Variants in DOCK6 observed in about 807,000 individuals in gnomAD.
DOCK6 encodes dedicator of cytokinesis 6, also known as dedicator of cytokinesis protein 6.
In DOCK6, 167 loss-of-function variants were observed where a neutral mutation model predicts 230.3. That is an observed-to-expected ratio of 0.73 (90% confidence interval 0.64 to 0.82). The LOEUF (loss-of-function observed/expected upper bound fraction) is 0.82. Among genes scored for constraint, DOCK6 ranks in the 40% least tolerant of loss-of-function variants. DOCK6 has a pLI of 0.00. For synonymous variants in DOCK6, 1,148 were observed against 1,185.0 expected (o/e 0.97, Z 0.64); for missense variants, 2,598 against 2,825.8 (o/e 0.92, Z 1.83).
At chr19:11,247,943 T>C (rs2080060310) in intron 7 of DOCK6, 123 bp downstream of exon 7, 1 of 784,222 alleles carries the variant, frequency 1.3e-6, no homozygotes, top group Non-Finnish European at 2.1e-6. Flanking sequence ...AGCCCATACA[T>C]AGGTGGCCAC....
rs2079501407 is a variant in DOCK6, at chr19:11,217,055, C to T, written c.3753G>A (p.Arg1251=). ...AGCALSAESS[R]TLLACVLWVL... The stretch of plus-strand genomic sequence containing the variant: ...CCCACAGCACACACGCCAGCAAGGT[C>T]CGGCTTGACTCAGCAGAGAGGGCAC... The change falls in exon 30 of 48, where the codon CGG becomes CGA. Residue 1251 remains arginine (R), a synonymous_variant. Transcript: ENST00000294618. 1 of 1,613,420 alleles carries T rather than the reference C, an allele frequency of 6.2e-7. No individual in the cohort carries two copies. Among genetic ancestry groups the T allele is most frequent in the Non-Finnish European group, 8.5e-7 (1 of 1,179,858 alleles).
chr19:11,223,426 A>G (rs1416188351), intron 24 of DOCK6, among the ~76,000 whole-genome samples: 4 of 152,092 alleles, frequency 2.6e-5, no homozygotes, highest in Non-Finnish European at 2.9e-5. Flanking sequence ...ATTCTGGCCA[A>G]TGGGATTTGA....
chr19:11,207,233 A>G (rs2079277648), intron 39 of DOCK6, among the ~76,000 whole-genome samples: 1 of 152,142 alleles, frequency 6.6e-6, no homozygotes, highest in Non-Finnish European at 1.5e-5. Context: ...TCACTCTGTC[A>G]CATAGGTTGG....
rs186878081 is a variant in DOCK6 at position 11,235,091 on chromosome 19, C to T, written c.2554+507G>A. Among the ~76,000 whole-genome samples, 45 of 152,002 alleles carry T rather than the reference C, an allele frequency of 3.0e-4. 1 individual carries two copies. The South Asian group carries it at 4.2e-3, about 14-fold the overall frequency. ...CTGAGTAGCTGGGGCTACAGGCGTG[C>T]GCCACCACACCTGGCTAATTTTTGT... is the stretch of plus-strand genomic sequence containing the variant. On this transcript the variant is annotated intron_variant, in intron 21 of 47. Transcript: ENST00000294618.
At chr19:11,217,975 C>T (rs1448617693) in intron 28 of DOCK6, among the ~76,000 whole-genome samples, 11 of 151,830 alleles carry the variant, frequency 7.2e-5, no homozygotes, top group South Asian at 6.3e-4. Context: ...CCTCAGCTTC[C>T]GGAGTAGCTG....
intron 22 of DOCK6, among the ~76,000 whole-genome samples, chr19:11,230,985 T>G (rs1195608729): frequency 2.6e-5 from 4 of 152,120 alleles, no homozygotes; most frequent in Non-Finnish European, 5.9e-5. Flanking sequence ...AGCCATACCC[T>G]GGCAACTCAC....
chr19:11,225,562 C>G (rs1254270226), intron 24 of DOCK6, among the ~76,000 whole-genome samples: 1 of 152,004 alleles, frequency 6.6e-6, no homozygotes, highest in Admixed American at 6.6e-5. Context: ...TATGGTAGCA[C>G]GCACCTGTAG....
In DOCK6 at chr19:11,237,349, C is replaced by A. The variant is rs2079864739; in HGVS notation, c.2073+107G>T. On this transcript the variant is annotated intron_variant, in intron 18 of 47. Coordinates refer to ENST00000294618, the MANE Select transcript of DOCK6 (RefSeq NM_020812.4). ...GAGCTACACGGGGGCCCTGGAGGCA[C>A]CAGTAGAGGATAACAAGCCTCCCAG... The A allele has an allele frequency of 3.2e-6, 4 of 1,248,854 alleles. No homozygotes were observed. In the South Asian group the frequency reaches 4.9e-5, roughly 15 times the overall value. 77.4% of individuals were successfully genotyped at this position (1,248,854 alleles called of 1,614,324 possible).
chr19:11,251,472 C>A, intron 5 of DOCK6: 1 of 181,946 alleles, frequency 5.5e-6, no homozygotes, highest in Non-Finnish European at 1.2e-5. Context: ...GACCTTCCTG[C>A]ACTGGATCAA....
intron 22 of DOCK6, 135 bp from the exon 23 acceptor site, chr19:11,229,170 A>G: frequency 2.5e-6 from 3 of 1,207,892 alleles, no homozygotes; most frequent in Admixed American, 2.4e-5. Context: ...GGAGGGGGAC[A>G]AGAGGAGTGG....
chr19:11,251,037 C>G lies in DOCK6; in HGVS notation c.557G>C (p.Ser186Thr), dbSNP rs2080110039. 2 of 1,613,492 alleles carry G rather than the reference C, an allele frequency of 1.2e-6. No homozygotes were observed. The highest frequency in any genetic ancestry group is 1.7e-6 in the Non-Finnish European group (2 of 1,179,760). Residue 186 changes from serine (S) to threonine (T), a missense_variant, in exon 6 of 48, where the codon AGT (serine) becomes ACT (threonine). Coordinates refer to ENST00000294618, the MANE Select transcript of DOCK6 (RefSeq NM_020812.4). The part of the protein sequence containing the change: ...SGSPEDTPRS[S>T]GASSIFDLRN... ...CAGGTCGAAGATGCTAGAGGCACCACTGCTTCGAGGGGTGTCTTCCGGGGA... is the reference window on the plus strand; with the variant it reads ...CAGGTCGAAGATGCTAGAGGCACCAGTGCTTCGAGGGGTGTCTTCCGGGGA...
intron 22 of DOCK6, among the ~76,000 whole-genome samples, chr19:11,230,043 CAA>C (rs74180012): frequency 5.0e-4 from 23 of 46,444 alleles, no homozygotes; most frequent in Admixed American, 2.0e-3. Flanking sequence ...GACTCCATCT[CAA>C]AAAAAAAAAA....
intron 1 of DOCK6, among the ~76,000 whole-genome samples, chr19:11,254,809 A>G (rs1452913491): frequency 6.6e-6 from 1 of 152,130 alleles, no homozygotes; most frequent in East Asian, 1.9e-4. Flanking sequence ...CCTCTGGCTG[A>G]GCTCAGAAGT....
chr19:11,258,787 G>C (rs2080238205), intron 1 of DOCK6, among the ~76,000 whole-genome samples: 1 of 149,100 alleles, frequency 6.7e-6, no homozygotes, highest in African/African-American at 2.5e-5. Flanking sequence ...TTGAGACGGA[G>C]TCTCTGTCAC....
chr19:11,228,869 T>C lies in DOCK6; in HGVS notation c.2814+71A>G, dbSNP rs910215685. ...GAGCCACTATGCCTGGCCAGGGGGC[T>C]TCTCTCTTTAAAAAAGGAAGGGGCT... On this transcript the variant is annotated intron_variant, in intron 23 of 47. Transcript: ENST00000294618. The C allele has an allele frequency of 5.5e-5, 82 of 1,489,812 alleles. No homozygotes were observed. In the African/African-American group the frequency reaches 1.0e-3, roughly 18 times the overall value. The allele number at this position is 1,489,812 out of a possible 1,614,324, so 92.3% of individuals were successfully genotyped here. A position where few individuals can be genotyped will look rare whatever the true frequency, so the allele number is the denominator to read the frequency against.
At chr19:11,209,496 T>C (rs1410966235) in intron 37 of DOCK6, among the ~76,000 whole-genome samples, 21 of 123,794 alleles carry the variant, frequency 1.7e-4, no homozygotes, top group South Asian at 5.7e-4. Context: ...GTCCCTTCAC[T>C]TGTCTATCCC....
At chr19:11,213,408 G>A (rs1316424498) in intron 34 of DOCK6, 80 bp from the exon 35 acceptor site, 2 of 1,528,136 alleles carry the variant, frequency 1.3e-6, no homozygotes, top group Non-Finnish European at 1.8e-6. Flanking sequence ...AATGAGGACT[G>A]CTTGGGCAGG....
chr19:11,209,006 C>A lies in DOCK6; in HGVS notation c.4849G>T (p.Ala1617Ser). 6.2e-7 allele frequency: 1 copy of A among 1,611,204 alleles called. No individual in the cohort carries two copies. The change falls in exon 38 of 48, where the codon GCC becomes TCC. Residue 1617 changes from alanine to serine, a missense_variant. Coordinates refer to ENST00000294618, the MANE Select transcript of DOCK6 (RefSeq NM_020812.4). ...HAELGNHAEA[A>S]QCMVHAAALV... is the part of the protein sequence containing the mutation. Reference sequence around the variant, plus strand: ...GCGGCCGCGTGCACCATGCACTGGGCGGCCTCGGCGTGGTTGCCCAGCTCC... The same window carrying A: ...GCGGCCGCGTGCACCATGCACTGGGAGGCCTCGGCGTGGTTGCCCAGCTCC...
intron 40 of DOCK6, 27 bp from the exon 41 acceptor site, chr19:11,204,122 A>G (rs1228713171): frequency 8.4e-6 from 13 of 1,547,926 alleles, no homozygotes; most frequent in Non-Finnish European, 1.0e-5. Context: ...GGTCAAGGTC[A>G]GCAGATCCCT....
Sources: allele counts gnomAD v4.1 joint callset (sites outside exome capture counted in the v4.1 genomes callset), GRCh38; gene constraint gnomAD v4.1.1; transcripts MANE v1.5; gene names NCBI Gene and HGNC (gene_info 2026-07-23, HGNC 2026-07-21).